The following HTATIP2 variants were observed in gnomAD, a reference collection of about 807,000 sequenced individuals.
HTATIP2 encodes protein HTATIP2.
In HTATIP2, 26 loss-of-function variants were observed where a neutral mutation model predicts 24.7. The observed-to-expected ratio is 1.05, with a 90% CI of 0.77 to 1.46. The LOEUF (loss-of-function observed/expected upper bound fraction) is 1.46, where lower values mean the gene tolerates loss of function less well. Ranked by LOEUF, HTATIP2 falls within the 40% of genes most tolerant of loss-of-function variation. HTATIP2 has a pLI of 0.00. For missense variants in HTATIP2, 284 were observed against 289.6 expected (o/e 0.98, Z 0.14); for synonymous variants, 99 against 113.2 (o/e 0.87, Z 0.79).
intron 2 of HTATIP2, among the ~76,000 whole-genome samples, chr11:20,370,870 C>G (rs755962938): frequency 6.6e-6 from 1 of 152,122 alleles, no homozygotes; most frequent in East Asian, 1.9e-4. Context: ...AGGATGGTCT[C>G]GATCTCCTGA....
chr11:20,364,335 T>C lies in HTATIP2; in HGVS notation c.98T>C (p.Val33Ala), dbSNP rs757672606. 1.9e-6 allele frequency: 3 copies of C among 1,613,520 alleles called. No homozygotes were observed. Among genetic ancestry groups the C allele is most frequent in the Non-Finnish European group, 2.5e-6 (3 of 1,179,652 alleles). Reference sequence around the variant, plus strand: ...GGCGCCAGCGGAGAAACCGGCAGAGTGCTCTTAAAGGAAATCCTGGAGCAG... The same window carrying C: ...GGCGCCAGCGGAGAAACCGGCAGAGCGCTCTTAAAGGAAATCCTGGAGCAG... ...ILGASGETGR[V>A]LLKEILEQGL... Residue 33 changes from valine (V) to alanine (A), a missense_variant, in exon 1 of 5, where the codon GTG (valine) becomes GCG (alanine). Coordinates refer to ENST00000451739, the MANE Select transcript of HTATIP2 (RefSeq NM_001098522.2).
intron 1 of HTATIP2, 29 bp downstream of exon 1, chr11:20,364,461 A>T: frequency 6.4e-7 from 1 of 1,556,274 alleles, no homozygotes; most frequent in Non-Finnish European, 8.8e-7. Flanking sequence ...ACTCAAATGG[A>T]CCCCCAGGAT....
At chr11:20,380,407 T>C (rs1183544557) in intron 3 of HTATIP2, among the ~76,000 whole-genome samples, 31 of 152,124 alleles carry the variant, frequency 2.0e-4, no homozygotes, top group Non-Finnish European at 1.5e-5. Context: ...GCGCGGTGGC[T>C]CACGCCTGTA....
intron 1 of HTATIP2, 135 bp downstream of exon 1, chr11:20,364,567 CTG>C: frequency 1.4e-6 from 1 of 696,806 alleles, no homozygotes; most frequent in Non-Finnish European, 2.4e-6. Context: ...CAAGATTGGT[CTG>C]TGAGAGTCCC....
At chr11:20,365,542 C>T (rs1029739680) in intron 1 of HTATIP2, among the ~76,000 whole-genome samples, 2 of 152,204 alleles carry the variant, frequency 1.3e-5, no homozygotes, top group Non-Finnish European at 2.9e-5. Flanking sequence ...TCTCGCAGGT[C>T]TGTGTTCAGG....
At chr11:20,367,126 C>T (rs758724123) in intron 1 of HTATIP2, 48 bp from the exon 2 acceptor site, 1 of 1,599,916 alleles carries the variant, frequency 6.3e-7, no homozygotes, top group South Asian at 1.1e-5. Flanking sequence ...GGTTTTTGGT[C>T]TGTTGTTTAA....
chr11:20,368,476 A>G (rs1438798888), intron 2 of HTATIP2, among the ~76,000 whole-genome samples: 1 of 152,216 alleles, frequency 6.6e-6, no homozygotes, highest in Non-Finnish European at 1.5e-5. Flanking sequence ...ACTATGGATT[A>G]TAGAGAAGTT....
intron 2 of HTATIP2, among the ~76,000 whole-genome samples, chr11:20,370,585 T>G (rs938646116): frequency 1.6e-4 from 24 of 152,368 alleles, no homozygotes; most frequent in African/African-American, 5.8e-4. Context: ...GCTCTTCTAA[T>G]TCAAAGGTTT....
At chr11:20,376,792 T>C in intron 3 of HTATIP2, 75 bp downstream of exon 3, 1 of 1,151,350 alleles carries the variant, frequency 8.7e-7, no homozygotes, top group Non-Finnish European at 1.2e-6. Context: ...ATATAAAATA[T>C]TATATAATAC....
At position 20,371,983 on chromosome 11, in the gene HTATIP2, C is replaced by T. The variant is rs569315757; in HGVS notation, c.304-4597C>T. Among the ~76,000 whole-genome samples the T allele has an allele frequency of 2.0e-5, 3 of 152,150 alleles. No individual in the cohort carries two copies. In the East Asian group the frequency reaches 5.8e-4, roughly 29 times the overall value. On this transcript the variant is annotated intron_variant, in intron 2 of 4. Coordinates refer to ENST00000451739, the MANE Select transcript of HTATIP2 (RefSeq NM_001098522.2). ...TTTGTCAGCATCTTTGTTTTCTAGTCTAATTTATAGGGTTGGATTGAAAGG... is the reference window on the plus strand; with the variant it reads ...TTTGTCAGCATCTTTGTTTTCTAGTTTAATTTATAGGGTTGGATTGAAAGG...
intron 1 of HTATIP2, among the ~76,000 whole-genome samples, chr11:20,366,206 A>G (rs1282707679): frequency 7.2e-6 from 1 of 139,520 alleles, no homozygotes; most frequent in Non-Finnish European, 1.5e-5. Context: ...GGTTCACGCC[A>G]TTCTCCTGCC....
At chr11:20,366,065 A>C (rs943204266) in intron 1 of HTATIP2, among the ~76,000 whole-genome samples, 2 of 148,482 alleles carry the variant, frequency 1.3e-5, no homozygotes, top group Non-Finnish European at 3.0e-5. Flanking sequence ...GTACTTTGTG[A>C]AACCCTATTT....
At chr11:20,373,175 A>G (rs1209593078) in intron 2 of HTATIP2, among the ~76,000 whole-genome samples, 1 of 152,142 alleles carries the variant, frequency 6.6e-6, no homozygotes, top group Non-Finnish European at 1.5e-5. Context: ...TTGAGCAGGG[A>G]TGATGGGCTA....
In HTATIP2 at chr11:20,364,231, C is replaced by T. The variant is rs977800021; in HGVS notation, c.-7C>T. The T allele has an allele frequency of 6.3e-7, 1 of 1,592,620 alleles. No individual in the cohort carries two copies. The highest frequency in any genetic ancestry group is 8.6e-7 in the Non-Finnish European group (1 of 1,165,366). ...AGACCGGCATCTGTCGATGTTATTT[C>T]CCCAGCATGGCCGAAACAGAAGCCC... On this transcript the variant is annotated 5_prime_UTR_variant, in exon 1 of 5. Transcript: ENST00000451739.
Position 20,383,478 on chromosome 11 carries a change from T to G in HTATIP2, c.*273T>G. On this transcript the variant is annotated 3_prime_UTR_variant, in exon 5 of 5. Transcript: ENST00000451739. ...GGGGTGTGGGCACAATAATCTGTAA[T>G]TTTCTTTGTTTATACTTCCCCTGAT... 2.5e-6 allele frequency: 1 copy of G among 406,576 alleles called. No homozygotes were observed. Among genetic ancestry groups the G allele is most frequent in the Non-Finnish European group, 4.4e-6 (1 of 226,936 alleles). The allele number at this position is 406,576 out of a possible 1,614,324, so 25.2% of individuals were successfully genotyped here.
At position 20,364,287 on chromosome 11, in the gene HTATIP2, A is replaced by G; in HGVS notation, c.50A>G (p.Gln17Arg). The change falls in exon 1 of 5, where the codon CAG (glutamine) becomes CGG (arginine). Residue 17 changes from glutamine to arginine, a missense_variant. Physicochemically the swap from Gln to Arg is conservative, Grantham distance 43. Transcript: ENST00000451739. ...LSKLREDFRM[Q>R]NKSVFILGAS... ...AAGCTTCGGGAAGACTTCAGGATGC[A>G]GAATAAATCCGTCTTTATTTTGGGC... 2 of 1,613,374 alleles carry G rather than the reference A, an allele frequency of 1.2e-6. No individual in the cohort carries two copies. Among genetic ancestry groups the G allele is most frequent in the Non-Finnish European group, 1.7e-6 (2 of 1,179,418 alleles).
intron 2 of HTATIP2, among the ~76,000 whole-genome samples, chr11:20,375,495 C>T (rs185515625): frequency 3.5e-4 from 54 of 152,304 alleles, no homozygotes; most frequent in Middle Eastern, 3.4e-3. Context: ...CACTTGAACT[C>T]AGGAGGCAGA....
At chr11:20,367,957 T>TAC (rs1266140044) in intron 2 of HTATIP2, among the ~76,000 whole-genome samples, 1 of 152,234 alleles carries the variant, frequency 6.6e-6, no homozygotes, top group East Asian at 1.9e-4. Context: ...TTAGTGCGGG[T>TAC]ACATCTTATT....
chr11:20,383,592 G>A lies in HTATIP2; in HGVS notation c.*387G>A, dbSNP rs931123063. 5.3e-6 allele frequency: 1 copy of A among 189,474 alleles called. No individual in the cohort carries two copies. The highest frequency in any genetic ancestry group is 1.1e-5 in the Non-Finnish European group (1 of 91,916). 11.7% of individuals were successfully genotyped at this position (189,474 alleles called of 1,614,324 possible). On this transcript the variant is annotated 3_prime_UTR_variant, in exon 5 of 5. Coordinates refer to ENST00000451739, the MANE Select transcript of HTATIP2 (RefSeq NM_001098522.2). ...GCAGCCATGAAAACCTTATGACCGT[G>A]CAAATGAGCTCTGCTCTAAAATTGT...
Sources: allele counts gnomAD v4.1 joint callset (sites outside exome capture counted in the v4.1 genomes callset), GRCh38; gene constraint gnomAD v4.1.1; transcripts MANE v1.5; gene names NCBI Gene and HGNC (gene_info 2026-07-23, HGNC 2026-07-21).